The following SPATA17 variants were observed in gnomAD, a reference collection of about 807,000 sequenced individuals.
SPATA17 encodes the protein spermatogenesis associated 17.
In SPATA17, 53 loss-of-function variants were observed where a neutral mutation model predicts 62.2. The ratio of observed to expected loss-of-function variants is 0.85; its 90% CI spans 0.68 to 1.07. SPATA17 has a LOEUF of 1.07. Among genes scored for constraint, SPATA17 ranks in the 50% least tolerant of loss-of-function variants. SPATA17 has a pLI of 0.00. For synonymous variants in SPATA17, 146 were observed against 146.8 expected, an observed-to-expected ratio of 0.99 and a Z score of 0.04; for missense variants, 466 against 425.5, an observed-to-expected ratio of 1.10 and a Z score of -0.84.
intron 3 of SPATA17, among the ~76,000 whole-genome samples, chr1:217,658,428 T>C (rs1011882056): frequency 6.6e-6 from 1 of 152,126 alleles, no homozygotes; most frequent in African/African-American, 2.4e-5. Context: ...TGATACCACA[T>C]ACAGATGAGC....
chr1:217,684,125 T>A (rs137943129), intron 5 of SPATA17, among the ~76,000 whole-genome samples: 1 of 152,164 alleles, frequency 6.6e-6, no homozygotes, highest in African/African-American at 2.4e-5. Flanking sequence ...TTTAAACACA[T>A]AGGAGGATAG....
At chr1:217,804,165 C>G (rs1674378495) in intron 9 of SPATA17, among the ~76,000 whole-genome samples, 1 of 152,090 alleles carries the variant, frequency 6.6e-6, no homozygotes, top group Admixed American at 6.6e-5. Context: ...ATTACAAAGT[C>G]ATAGTAATCA....
chr1:217,647,961 G>C (rs1670226853), intron 1 of SPATA17, among the ~76,000 whole-genome samples: 1 of 152,044 alleles, frequency 6.6e-6, no homozygotes, highest in African/African-American at 2.4e-5. Context: ...GACCTCAGAT[G>C]ATCCGCCCAC....
chr1:217,654,993 A>G (rs1020859159), intron 3 of SPATA17, among the ~76,000 whole-genome samples: 1 of 152,340 alleles, frequency 6.6e-6, no homozygotes, highest in Non-Finnish European at 1.5e-5. Flanking sequence ...TATAGGCGTG[A>G]GCCACCGCAC....
chr1:217,741,330 G>T (rs1672621154), intron 5 of SPATA17, among the ~76,000 whole-genome samples: 1 of 151,934 alleles, frequency 6.6e-6, no homozygotes, highest in South Asian at 2.1e-4. Flanking sequence ...ATAATGAAAA[G>T]TTTCATTATT....
chr1:217,706,111 G>A (rs1186509795), intron 5 of SPATA17, among the ~76,000 whole-genome samples: 1 of 152,162 alleles, frequency 6.6e-6, no homozygotes, highest in African/African-American at 2.4e-5. Flanking sequence ...GGTTTCTGTA[G>A]TCTTGTAGTA....
intron 3 of SPATA17, among the ~76,000 whole-genome samples, chr1:217,658,224 C>A (rs1008608131): frequency 1.2e-4 from 19 of 152,222 alleles, no homozygotes; most frequent in African/African-American, 4.6e-4. Flanking sequence ...GGGGGAGGAT[C>A]CCTCATGAAA....
At chr1:217,722,009 G>T (rs548448905) in intron 5 of SPATA17, among the ~76,000 whole-genome samples, 2 of 152,262 alleles carry the variant, frequency 1.3e-5, no homozygotes, top group Admixed American at 6.5e-5. Flanking sequence ...GTCCCTTGGG[G>T]TTGGAAGAGG....
chr1:217,853,375 T>C (rs1675708106), intron 9 of SPATA17, among the ~76,000 whole-genome samples: 2 of 152,222 alleles, frequency 1.3e-5, no homozygotes, highest in South Asian at 4.1e-4. Flanking sequence ...AAGAATTATT[T>C]ACAATTCACC....
At chr1:217,690,491 TA>T (rs1205446668) in intron 5 of SPATA17, among the ~76,000 whole-genome samples, 10 of 149,056 alleles carry the variant, frequency 6.7e-5, no homozygotes, top group South Asian at 4.2e-4. Context: ...TTTTTTTAAT[TA>T]TTTTTTTTTA....
chr1:217,728,012 C>T (rs1332057570), intron 5 of SPATA17, among the ~76,000 whole-genome samples: 1 of 152,124 alleles, frequency 6.6e-6, no homozygotes, highest in African/African-American at 2.4e-5. Context: ...TTTTGATTAT[C>T]AGTACCAAAT....
At chr1:217,664,242 G>A (rs1304275669) in intron 3 of SPATA17, among the ~76,000 whole-genome samples, 3 of 151,806 alleles carry the variant, frequency 2.0e-5, no homozygotes, top group Admixed American at 6.6e-5. Context: ...TGGGATGGTG[G>A]CAGAAGTTCC....
At chr1:217,658,774 A>G (rs1670500910) in intron 3 of SPATA17, among the ~76,000 whole-genome samples, 3 of 152,074 alleles carry the variant, frequency 2.0e-5, no homozygotes, top group Admixed American at 1.3e-4. Context: ...TCATAATAAT[A>G]ATAAATAATA....
Position 217,706,426 on chromosome 1 carries a change from G to A in SPATA17, c.395+23065G>A, listed in dbSNP as rs988191584. On this transcript the variant is annotated intron_variant, in intron 5 of 10. Coordinates refer to ENST00000366933, the MANE Select transcript of SPATA17 (RefSeq NM_138796.4). ...GGACCTGTAATCCCCATGTGTTGAG[G>A]AAGGGAAGTGATGGGATTCTGGGGG... 3.9e-5 allele frequency among the ~76,000 whole-genome samples: 6 copies of A among 152,168 alleles called. No homozygotes were observed. In the South Asian group the frequency reaches 1.2e-3, roughly 32 times the overall value.
rs531743819 is a variant in SPATA17, at chr1:217,853,183, T to C, written c.1006-9591T>C. The stretch of plus-strand genomic sequence containing the variant: ...AAGAAATTAGTCTAACAAACATGAT[T>C]ATTCCTGATGGTAATATGAACATCT... On this transcript the variant is annotated intron_variant, in intron 9 of 10. Transcript: ENST00000366933. 2.3e-4 allele frequency among the ~76,000 whole-genome samples: 35 copies of C among 152,320 alleles called. 1 individual carries two copies. In the South Asian group the frequency reaches 7.2e-3, roughly 32 times the overall value.
rs1676115501 is a variant in SPATA17 at position 217,870,878 on chromosome 1, A to G, written c.*3859A>G. ...GATAAATGCCCTGGACCCAACATCT[A>G]ACAGAATACCTGGCATAAAGTGAAA... On this transcript the variant is annotated 3_prime_UTR_variant, in exon 11 of 11. Transcript: ENST00000366933. 1 of 152,210 alleles carries G rather than the reference A, an allele frequency of 6.6e-6. No homozygotes were observed. The allele number at this position is 152,210 out of a possible 1,614,324, so 9.4% of individuals were successfully genotyped here. A position where few individuals can be genotyped will look rare whatever the true frequency, so the allele number is the denominator to read the frequency against.
intron 9 of SPATA17, among the ~76,000 whole-genome samples, chr1:217,827,007 A>T (rs1047720816): frequency 6.6e-6 from 1 of 152,002 alleles, no homozygotes; most frequent in Non-Finnish European, 1.5e-5. Context: ...GTCTTTTTCT[A>T]GTCTACTGGT....
At chr1:217,793,163 T>C (rs538907303) in intron 8 of SPATA17, among the ~76,000 whole-genome samples, 2 of 151,770 alleles carry the variant, frequency 1.3e-5, no homozygotes, top group South Asian at 2.1e-4. Context: ...GGAGAAACTA[T>C]ATAGAGAGAA....
At chr1:217,725,220 A>G (rs1672233609) in intron 5 of SPATA17, among the ~76,000 whole-genome samples, 1 of 152,166 alleles carries the variant, frequency 6.6e-6, no homozygotes, top group Non-Finnish European at 1.5e-5. Context: ...TTCATCTCTT[A>G]CTGTAAGTGC....
Sources: allele counts gnomAD v4.1 joint callset (sites outside exome capture counted in the v4.1 genomes callset), GRCh38; gene constraint gnomAD v4.1.1; transcripts MANE v1.5; gene names NCBI Gene and HGNC (gene_info 2026-07-23, HGNC 2026-07-21).